Variants in PKNOX2 observed in about 807,000 individuals in gnomAD.
PKNOX2 encodes the protein homeobox protein PKNOX2.
PKNOX2 carries 14 observed loss-of-function variants against 53.1 expected under a neutral mutation model. The ratio of observed to expected loss-of-function variants is 0.26; its 90% CI spans 0.17 to 0.41. The LOEUF (loss-of-function observed/expected upper bound fraction) is 0.41. Ranked by LOEUF, PKNOX2 falls within the 10% of genes least tolerant of loss-of-function variation. The pLI is 1.00. For synonymous variants in PKNOX2, 257 were observed against 242.8 expected (o/e 1.06, Z -0.54); for missense variants, 496 against 602.8 (o/e 0.82, Z 1.85).
chr11:125,222,941 A>G (rs1434192065), intron 1 of PKNOX2, among the ~76,000 whole-genome samples: 1 of 152,198 alleles, frequency 6.6e-6, no homozygotes, highest in Non-Finnish European at 1.5e-5. Flanking sequence ...AGTGAATGCA[A>G]GCAGCTTCTG....
At chr11:125,425,559 A>G (rs1004960069) in intron 10 of PKNOX2, among the ~76,000 whole-genome samples, 14 of 151,900 alleles carry the variant, frequency 9.2e-5, no homozygotes, top group African/African-American at 2.7e-4. Flanking sequence ...GTGATCCAAT[A>G]ACGATCAGAG....
In PKNOX2 at chr11:125,425,771, A is replaced by G. The variant is rs545126803; in HGVS notation, c.937-3241A>G. On this transcript the variant is annotated intron_variant, in intron 10 of 12. Coordinates refer to ENST00000298282, the MANE Select transcript of PKNOX2 (RefSeq NM_001382323.2). ...TATTTTGACTCTGTCCTCAGGAATC[A>G]TGTGGTCTGAGGCGTGTACGAGCTG... Among the ~76,000 whole-genome samples the G allele has an allele frequency of 6.6e-5, 10 of 152,356 alleles. No homozygotes were observed. In the South Asian group the frequency reaches 1.7e-3, roughly 25 times the overall value.
At chr11:125,276,013 GAGA>G (rs1321811723) in intron 2 of PKNOX2, among the ~76,000 whole-genome samples, 4 of 152,210 alleles carry the variant, frequency 2.6e-5, no homozygotes, top group African/African-American at 9.7e-5. Flanking sequence ...AGAGGAGGCT[GAGA>G]AGGAGTGCTT....
chr11:125,383,557 C>G (rs1219787248), intron 5 of PKNOX2, among the ~76,000 whole-genome samples: 2 of 151,872 alleles, frequency 1.3e-5, no homozygotes, highest in African/African-American at 4.8e-5. Context: ...GCAGAGGTTG[C>G]AGTGAGCCAA....
chr11:125,325,405 A>G (rs1308158155), intron 2 of PKNOX2, among the ~76,000 whole-genome samples: 1 of 152,198 alleles, frequency 6.6e-6, no homozygotes, highest in Non-Finnish European at 1.5e-5. Context: ...GTTCATGGCT[A>G]AGGACTTTGG....
intron 2 of PKNOX2, among the ~76,000 whole-genome samples, chr11:125,311,203 T>G (rs79251627): frequency 6.6e-6 from 1 of 152,338 alleles, no homozygotes; most frequent in Admixed American, 6.5e-5. Context: ...TTTGAAAATT[T>G]GGGCTAAGAT....
intron 2 of PKNOX2, among the ~76,000 whole-genome samples, chr11:125,322,217 C>T (rs753226834): frequency 7.3e-5 from 11 of 150,636 alleles, no homozygotes; most frequent in East Asian, 2.0e-4. Context: ...CAAAAAAAAA[C>T]GTATATATAT....
chr11:125,431,281 T>A lies in PKNOX2; in HGVS notation c.1308T>A (p.Asp436Glu), dbSNP rs1216050059. The change falls in exon 13 of 13, where the codon GAT becomes GAA. Residue 436 changes from aspartate to glutamate, a missense_variant. Physicochemically the swap from Asp to Glu is conservative, Grantham distance 45 (BLOSUM62 2). Transcript: ENST00000298282. ...DDSLDGTEEEDEDEMEEEEEE... is the reference protein window; with the variant it reads ...DDSLDGTEEEEEDEMEEEEEE... ...CATTGGATGGGACAGAAGAAGAGGATGAGGATGAGATGGAAGAGGAGGAGG... is the reference window on the plus strand; with the variant it reads ...CATTGGATGGGACAGAAGAAGAGGAAGAGGATGAGATGGAAGAGGAGGAGG... 4 of 1,612,692 alleles carry A rather than the reference T, an allele frequency of 2.5e-6. No individual in the cohort carries two copies. In the African/African-American group the frequency reaches 4.0e-5, roughly 16 times the overall value.
chr11:125,429,657 G>A (rs903601638), intron 11 of PKNOX2, among the ~76,000 whole-genome samples: 1 of 152,192 alleles, frequency 6.6e-6, no homozygotes, highest in Non-Finnish European at 1.5e-5. Context: ...GCTCTCTGGA[G>A]AGAAGTCAGA....
intron 2 of PKNOX2, among the ~76,000 whole-genome samples, chr11:125,274,014 G>T (rs1163258792): frequency 6.6e-6 from 1 of 152,188 alleles, no homozygotes; most frequent in African/African-American, 2.4e-5. Flanking sequence ...GCCAACAGTG[G>T]TGAAGGTAGT....
In PKNOX2 at chr11:125,345,422, C is replaced by T. The variant is rs184707432; in HGVS notation, c.-22-5862C>T. Among the ~76,000 whole-genome samples the T allele has an allele frequency of 3.3e-3, 496 of 152,238 alleles. 3 individuals are homozygous for T. Among genetic ancestry groups the T allele is most frequent in the Non-Finnish European group, 2.9e-3 (196 of 68,030 alleles). ...CTCACCCTTGTCACTGCTCAGTTCT[C>T]GGTGCCAACCCCATCCACCAAGCCT... On this transcript the variant is annotated intron_variant, in intron 3 of 12. Transcript: ENST00000298282.
chr11:125,391,630 A>T (rs1954057826), intron 6 of PKNOX2, among the ~76,000 whole-genome samples: 1 of 152,264 alleles, frequency 6.6e-6, no homozygotes. Flanking sequence ...ATCAGACGAC[A>T]TGGCTTTATA....
chr11:125,171,186 C>T (rs1019504000), intron 1 of PKNOX2, among the ~76,000 whole-genome samples: 17 of 152,172 alleles, frequency 1.1e-4, no homozygotes, highest in South Asian at 8.3e-4. Flanking sequence ...ACCCAGTAAT[C>T]GGGCATCATG....
chr11:125,206,593 A>G (rs1273583402), intron 1 of PKNOX2, among the ~76,000 whole-genome samples: 1 of 152,138 alleles, frequency 6.6e-6, no homozygotes, highest in Non-Finnish European at 1.5e-5. Context: ...AGAAGCAGCC[A>G]GGTGCCCTGC....
rs781353287 is a variant in PKNOX2, at chr11:125,187,686, C to T, written c.-201+22910C>T. 3.1e-4 allele frequency among the ~76,000 whole-genome samples: 47 copies of T among 150,678 alleles called. 1 individual carries two copies. The highest frequency in any genetic ancestry group is 5.3e-4 in the Non-Finnish European group (36 of 67,858). On this transcript the variant is annotated intron_variant, in intron 1 of 12. Coordinates refer to ENST00000298282, the MANE Select transcript of PKNOX2 (RefSeq NM_001382323.2). Reference sequence around the variant, plus strand: ...TTTCTTTTTTTTTTTCCTAATTACTCTGGCTAGAACTTCCAGCCAATATTG... The same window carrying T: ...TTTCTTTTTTTTTTTCCTAATTACTTTGGCTAGAACTTCCAGCCAATATTG...
chr11:125,229,176 C>T (rs1342314759), intron 1 of PKNOX2, among the ~76,000 whole-genome samples: 1 of 152,142 alleles, frequency 6.6e-6, no homozygotes, highest in Non-Finnish European at 1.5e-5. Context: ...CATAATGCGA[C>T]ACCCCCACCA....
intron 2 of PKNOX2, among the ~76,000 whole-genome samples, chr11:125,236,004 C>G (rs956019330): frequency 1.4e-4 from 21 of 152,236 alleles, no homozygotes; most frequent in Non-Finnish European, 4.4e-5. Context: ...TGAGGCTGAG[C>G]TGTTGCTGCC....
chr11:125,397,827 G>T, intron 6 of PKNOX2, 47 bp from the exon 7 acceptor site: 1 of 1,552,908 alleles, frequency 6.4e-7, no homozygotes, highest in Non-Finnish European at 8.7e-7. Flanking sequence ...GGCAGTGAGG[G>T]AAATGGGATG....
intron 4 of PKNOX2, among the ~76,000 whole-genome samples, chr11:125,354,398 A>G (rs968159882): frequency 6.6e-6 from 1 of 152,124 alleles, no homozygotes; most frequent in Non-Finnish European, 1.5e-5. Flanking sequence ...TTGTTTCCTC[A>G]CAACCTGGGC....
Sources: gnomAD v4.1 joint callset for allele counts (sites outside exome capture counted in the v4.1 genomes callset) on GRCh38, gnomAD v4.1.1 for gene constraint, MANE v1.5 for transcripts, NCBI Gene and HGNC (gene_info 2026-07-23, HGNC 2026-07-21) for gene names.